The following SLC14A2 variants were observed in gnomAD, a reference collection of about 807,000 sequenced individuals.
SLC14A2 encodes the protein solute carrier family 14 member 2, also known as urea transporter 2.
Under a neutral mutation model 104.6 loss-of-function variants are expected in SLC14A2, and 91 were observed. That is an observed-to-expected ratio of 0.87 (90% CI 0.73 to 1.04). The LOEUF (loss-of-function observed/expected upper bound fraction) is 1.04, where lower values mean the gene tolerates loss of function less well. SLC14A2 is among the 50% of genes least tolerant of loss of function. SLC14A2 has a pLI of 0.00. For synonymous variants in SLC14A2, 476 were observed against 466.4 expected, an observed-to-expected ratio of 1.02 and a Z score of -0.27; for missense variants, 1,189 against 1,156.0, an observed-to-expected ratio of 1.03 and a Z score of -0.41.
intron 5 of SLC14A2, among the ~76,000 whole-genome samples, chr18:45,635,576 A>C (rs936737806): frequency 6.6e-6 from 1 of 152,184 alleles, no homozygotes; most frequent in African/African-American, 2.4e-5. Flanking sequence ...CCATGGTGTA[A>C]TGAGGGCACA....
chr18:45,572,740 T>A (rs16978411), intron 2 of SLC14A2, among the ~76,000 whole-genome samples: 5,553 of 152,274 alleles, frequency 0.036, 374 homozygotes, highest in African/African-American at 0.13. Context: ...GCACTTCAGG[T>A]ATACTCATTC....
At chr18:45,193,404 C>A in the SLC14A2 span, among the ~76,000 whole-genome samples, 240 of 152,258 alleles carry the variant, frequency 1.6e-3, no homozygotes, top group Middle Eastern at 3.4e-3. Flanking sequence ...GCATATAGGG[C>A]AAATAATCAA....
chr18:45,430,612 A>C (rs987340623), intron 1 of SLC14A2, among the ~76,000 whole-genome samples: 1 of 151,828 alleles, frequency 6.6e-6, no homozygotes, highest in Admixed American at 6.6e-5. Flanking sequence ...GTCTCGCTCT[A>C]TTTCCCAGGC....
intron 1 of SLC14A2, among the ~76,000 whole-genome samples, chr18:45,214,103 T>C (rs2083986503): frequency 6.6e-6 from 1 of 152,184 alleles, no homozygotes; most frequent in East Asian, 1.9e-4. Context: ...GGCCCAAACT[T>C]CTGCTGCTAC....
chr18:45,547,905 T>C (rs913547858), intron 2 of SLC14A2, among the ~76,000 whole-genome samples: 3 of 152,270 alleles, frequency 2.0e-5, no homozygotes, highest in African/African-American at 7.2e-5. Context: ...GCAAAAGGGT[T>C]GGCCTGGGGT....
At chr18:45,649,904 A>C (rs934373421) in intron 10 of SLC14A2, among the ~76,000 whole-genome samples, 4 of 152,222 alleles carry the variant, frequency 2.6e-5, no homozygotes, top group Non-Finnish European at 5.9e-5. Flanking sequence ...GAGTTCGGGA[A>C]TTTTATGAAG....
Position 45,409,568 on chromosome 18 carries a change from A to G in SLC14A2, c.-124-73665A>G, listed in dbSNP as rs532944686. ...GTGAAAATAAAACAGAAAACCGTAA[A>G]GTTTCACAAGACGACATTTCCCCTC... On this transcript the variant is annotated intron_variant, in intron 1 of 20. Transcript: ENST00000586448. Among the ~76,000 whole-genome samples the G allele has an allele frequency of 1.3e-4, 20 of 152,222 alleles. 1 individual carries two copies. Among genetic ancestry groups the G allele is most frequent in the Non-Finnish European group, 2.4e-4 (16 of 68,040 alleles).
the SLC14A2 span, among the ~76,000 whole-genome samples, chr18:45,182,898 C>G: frequency 2.7e-4 from 41 of 152,126 alleles, no homozygotes; most frequent in Non-Finnish European, 3.7e-4. Context: ...TAGAATTTAT[C>G]TGGAAGAATA....
chr18:45,270,632 A>G (rs1039938203), intron 1 of SLC14A2, among the ~76,000 whole-genome samples: 4 of 152,158 alleles, frequency 2.6e-5, no homozygotes, highest in African/African-American at 9.6e-5. Context: ...TGCAAAAAGT[A>G]TGTGCTCATT....
intron 1 of SLC14A2, among the ~76,000 whole-genome samples, chr18:45,327,328 T>C (rs2085245527): frequency 6.6e-6 from 1 of 152,188 alleles, no homozygotes. Flanking sequence ...CAGTGCTTTT[T>C]TGGTAAAATT....
intron 1 of SLC14A2, among the ~76,000 whole-genome samples, chr18:45,219,889 A>G (rs1444706468): frequency 6.6e-6 from 1 of 152,220 alleles, no homozygotes; most frequent in Non-Finnish European, 1.5e-5. Context: ...AGGAAAAACA[A>G]TCAACAAACA....
chr18:45,570,011 T>C (rs2543025), intron 2 of SLC14A2, among the ~76,000 whole-genome samples: 64,190 of 151,986 alleles, frequency 0.42, 13,838 homozygotes, highest in African/African-American at 0.46. Flanking sequence ...TCATCAAAAA[T>C]GAAGAAAAAA....
At chr18:45,678,333 TA>T (rs2046259461) in intron 18 of SLC14A2, among the ~76,000 whole-genome samples, 1 of 152,180 alleles carries the variant, frequency 6.6e-6, no homozygotes, top group Non-Finnish European at 1.5e-5. Context: ...GGGCACACAA[TA>T]ACACACTAAT....
intron 1 of SLC14A2, among the ~76,000 whole-genome samples, chr18:45,393,539 C>A (rs550204003): frequency 6.6e-6 from 1 of 152,290 alleles, no homozygotes; most frequent in South Asian, 2.1e-4. Flanking sequence ...CATGGAAACC[C>A]AAAGCCTGGC....
intron 1 of SLC14A2, among the ~76,000 whole-genome samples, chr18:45,240,297 AT>A (rs113933236): frequency 0.12 from 18,739 of 151,304 alleles, 1,412 homozygotes; most frequent in African/African-American, 0.22. Context: ...GGGTTTCACC[AT>A]GTTAGACAGG....
Position 45,666,975 on chromosome 18 carries a change from A to T in SLC14A2, c.1598A>T (p.Glu533Val). 6.2e-7 allele frequency: 1 copy of T among 1,614,160 alleles called. No individual in the cohort carries two copies. Among genetic ancestry groups the T allele is most frequent in the Non-Finnish European group, 8.5e-7 (1 of 1,179,988 alleles). ...TMEESSEIKV[E>V]TNISKTSWIR... Reference sequence around the variant, plus strand: ...GAGGAGAGCTCTGAGATAAAAGTGGAAACAAACATTTCCAAGACATCCTGG... The same window carrying T: ...GAGGAGAGCTCTGAGATAAAAGTGGTAACAAACATTTCCAAGACATCCTGG... Residue 533 changes from glutamate (E) to valine (V), a missense_variant, in exon 13 of 20, where the codon GAA (glutamate) becomes GTA (valine). By Grantham distance (121) the Glu-to-Val change is moderately radical. Transcript: ENST00000255226.
At chr18:45,318,074 A>G (rs907810236) in intron 1 of SLC14A2, among the ~76,000 whole-genome samples, 64 of 152,170 alleles carry the variant, frequency 4.2e-4, no homozygotes, top group African/African-American at 1.5e-3. Flanking sequence ...AACTGTATAC[A>G]TTATTTCCTT....
At chr18:45,425,318 G>A (rs1055805195) in intron 1 of SLC14A2, among the ~76,000 whole-genome samples, 2 of 152,158 alleles carry the variant, frequency 1.3e-5, no homozygotes, top group African/African-American at 4.8e-5. Context: ...ACATGGCATG[G>A]CTATAACAAC....
At chr18:45,657,359 C>T (rs562285805) in intron 10 of SLC14A2, among the ~76,000 whole-genome samples, 2 of 151,086 alleles carry the variant, frequency 1.3e-5, no homozygotes, top group South Asian at 2.1e-4. Context: ...TGGTGGCATG[C>T]GCCTGTAGTC....
Sources: allele counts gnomAD v4.1 joint callset (sites outside exome capture counted in the v4.1 genomes callset), GRCh38; gene constraint gnomAD v4.1.1; transcripts MANE v1.5; gene names NCBI Gene and HGNC (gene_info 2026-07-23, HGNC 2026-07-21).